Variants in SPOCK1 observed in about 807,000 individuals in gnomAD.
SPOCK1 encodes testican-1.
A neutral mutation model predicts 55.3 loss-of-function variants in SPOCK1; 23 were observed. The ratio of observed to expected loss-of-function variants is 0.42; its 90% CI spans 0.30 to 0.59. The LOEUF (loss-of-function observed/expected upper bound fraction) is 0.59. Among genes scored for constraint, SPOCK1 ranks in the 20% least tolerant of loss-of-function variants. The pLI, the probability that SPOCK1 is intolerant of heterozygous loss-of-function variation, is 0.22. For missense variants in SPOCK1, 499 were observed against 552.5 expected (o/e 0.90, Z 0.97); for synonymous variants, 226 against 221.0 (o/e 1.02, Z -0.20).
chr5:137,257,425 A>C (rs1358721508), intron 3 of SPOCK1, among the ~76,000 whole-genome samples: 2 of 152,108 alleles, frequency 1.3e-5, no homozygotes, highest in Non-Finnish European at 2.9e-5. Flanking sequence ...GGAACCTCAG[A>C]GAGTTCTCGA....
chr5:137,364,070 G>A (rs538902775), intron 2 of SPOCK1, among the ~76,000 whole-genome samples: 1 of 152,270 alleles, frequency 6.6e-6, no homozygotes, highest in East Asian at 1.9e-4. Context: ...TTTCCCCCTA[G>A]AAGCTCATCT....
At chr5:137,035,412 T>C (rs1751865692) in intron 6 of SPOCK1, among the ~76,000 whole-genome samples, 1 of 152,186 alleles carries the variant, frequency 6.6e-6, no homozygotes, top group African/African-American at 2.4e-5. Context: ...ACAGACACTG[T>C]ACCTCTCTGC....
intron 6 of SPOCK1, among the ~76,000 whole-genome samples, chr5:137,001,023 A>G (rs1025337984): frequency 5.9e-5 from 9 of 152,200 alleles, no homozygotes; most frequent in African/African-American, 1.9e-4. Flanking sequence ...TAAATAAAAA[A>G]TAAAAACAAA....
At chr5:137,279,477 C>A (rs368617919) in intron 2 of SPOCK1, among the ~76,000 whole-genome samples, 1 of 152,144 alleles carries the variant, frequency 6.6e-6, no homozygotes, top group Non-Finnish European at 1.5e-5. Context: ...CACAGTGGAG[C>A]GAGAGAGGAC....
rs1753499514 is a variant in SPOCK1 at position 137,462,044 on chromosome 5, T to C, written c.186+36329A>G. Among the ~76,000 whole-genome samples, 6 of 152,140 alleles carry C rather than the reference T, an allele frequency of 3.9e-5. No individual in the cohort carries two copies. The South Asian group carries it at 1.0e-3, about 26-fold the overall frequency. On this transcript the variant is annotated intron_variant, in intron 2 of 10. Coordinates refer to ENST00000394945, the MANE Select transcript of SPOCK1 (RefSeq NM_004598.4). The stretch of plus-strand genomic sequence containing the variant: ...TCAAGCCATGACCCTCTGACTATGC[T>C]GAAGGGGTTAACGCCCAACCTGTGC...
intron 3 of SPOCK1, among the ~76,000 whole-genome samples, chr5:137,143,255 G>A (rs919688693): frequency 6.6e-6 from 1 of 152,188 alleles, no homozygotes; most frequent in Non-Finnish European, 1.5e-5. Flanking sequence ...CTAGGGTGAT[G>A]GGTGTCAAAA....
intron 3 of SPOCK1, among the ~76,000 whole-genome samples, chr5:137,265,607 C>A (rs930982956): frequency 6.6e-6 from 1 of 152,152 alleles, no homozygotes; most frequent in African/African-American, 2.4e-5. Context: ...CCTTCATATG[C>A]TTTTGAGTGA....
chr5:137,465,551 A>G (rs13168376), intron 2 of SPOCK1, among the ~76,000 whole-genome samples: 3,059 of 152,050 alleles, frequency 0.02, 41 homozygotes, highest in African/African-American at 0.034. Context: ...TTGCTACTAG[A>G]TACACAGGCA....
chr5:137,165,769 A>G (rs867480965), intron 3 of SPOCK1, among the ~76,000 whole-genome samples: 1 of 152,244 alleles, frequency 6.6e-6, no homozygotes, highest in Non-Finnish European at 1.5e-5. Flanking sequence ...CGCAATTGGC[A>G]TACTAAAGAA....
intron 3 of SPOCK1, among the ~76,000 whole-genome samples, chr5:137,152,964 G>A (rs1011215720): frequency 1.3e-5 from 2 of 152,188 alleles, no homozygotes; most frequent in Admixed American, 1.3e-4. Flanking sequence ...TAGCCAATCT[G>A]GGATGTAACT....
chr5:137,236,773 A>G (rs1756189977), intron 3 of SPOCK1, among the ~76,000 whole-genome samples: 1 of 152,194 alleles, frequency 6.6e-6, no homozygotes, highest in African/African-American at 2.4e-5. Flanking sequence ...CTGGTCACAC[A>G]TATAGATGCA....
intron 3 of SPOCK1, among the ~76,000 whole-genome samples, chr5:137,152,621 G>A (rs1000752807): frequency 8.5e-5 from 13 of 152,112 alleles, no homozygotes; most frequent in African/African-American, 2.4e-4. Flanking sequence ...TCTTTCCACC[G>A]GAGGGGTTGT....
intron 6 of SPOCK1, among the ~76,000 whole-genome samples, chr5:137,033,166 G>A (rs915698468): frequency 7.9e-5 from 12 of 152,180 alleles, no homozygotes; most frequent in East Asian, 1.9e-4. Context: ...CGTGGCGGCC[G>A]AAGGCCTGGG....
chr5:137,229,584 T>C (rs901501429), intron 3 of SPOCK1, among the ~76,000 whole-genome samples: 2 of 152,156 alleles, frequency 1.3e-5, no homozygotes, highest in East Asian at 3.9e-4. Context: ...AAACAACAGA[T>C]GTCCATAACA....
chr5:137,124,399 C>T (rs1368877959), intron 4 of SPOCK1, among the ~76,000 whole-genome samples: 1 of 152,100 alleles, frequency 6.6e-6, no homozygotes, highest in Non-Finnish European at 1.5e-5. Flanking sequence ...TGGCTGAGTG[C>T]GCAACACAGG....
chr5:137,178,135 C>A (rs182383838), intron 3 of SPOCK1, among the ~76,000 whole-genome samples: 1 of 152,206 alleles, frequency 6.6e-6, no homozygotes, highest in Non-Finnish European at 1.5e-5. Context: ...CTCCAAGAAG[C>A]CTCCCAGATC....
At chr5:137,333,726 C>A in intron 2 of SPOCK1, among the ~76,000 whole-genome samples, 1 of 152,176 alleles carries the variant, frequency 6.6e-6, no homozygotes, top group East Asian at 1.9e-4. Flanking sequence ...CAAATAGTAA[C>A]TGTAATCTGG....
chr5:137,365,908 T>C (rs1751051098), intron 2 of SPOCK1, among the ~76,000 whole-genome samples: 1 of 152,222 alleles, frequency 6.6e-6, no homozygotes, highest in African/African-American at 2.4e-5. Flanking sequence ...TTAAATATTC[T>C]GTAGTACCGC....
intron 2 of SPOCK1, among the ~76,000 whole-genome samples, chr5:137,347,821 G>T (rs545788464): frequency 6.6e-6 from 1 of 152,152 alleles, no homozygotes; most frequent in Non-Finnish European, 1.5e-5. Flanking sequence ...TCTGGCACAG[G>T]CGTAACGTGA....
Sources: gnomAD v4.1 joint callset for allele counts (sites outside exome capture counted in the v4.1 genomes callset) on GRCh38, gnomAD v4.1.1 for gene constraint, MANE v1.5 for transcripts, NCBI Gene and HGNC (gene_info 2026-07-23, HGNC 2026-07-21) for gene names.